Variants in PPP1R12B observed in about 807,000 individuals in gnomAD.
PPP1R12B encodes myosin phosphatase target subunit 2.
Under a neutral mutation model 126.1 loss-of-function variants are expected in PPP1R12B, and 76 were observed. That is an observed-to-expected ratio of 0.60 (90% CI 0.50 to 0.73). PPP1R12B has a LOEUF of 0.73. PPP1R12B is among the 30% of genes least tolerant of loss of function. PPP1R12B has a pLI of 0.00. For missense variants in PPP1R12B, 1,052 were observed against 1,205.1 expected (o/e 0.87, Z 1.88); for synonymous variants, 356 against 434.7 (o/e 0.82, Z 2.25).
At chr1:202,529,675 C>G (rs1011690170) in intron 18 of PPP1R12B, among the ~76,000 whole-genome samples, 1 of 152,170 alleles carries the variant, frequency 6.6e-6, no homozygotes, top group African/African-American at 2.4e-5. Context: ...AGAAACTGAT[C>G]GTTATCAAAC....
intron 13 of PPP1R12B, among the ~76,000 whole-genome samples, chr1:202,476,588 G>C (rs950027506): frequency 1.3e-5 from 2 of 151,586 alleles, no homozygotes; most frequent in African/African-American, 4.9e-5. Flanking sequence ...GAGGCTGAGG[G>C]AGGAGAACTG....
chr1:202,495,771 T>G (rs1386085618), intron 17 of PPP1R12B, 89 bp downstream of exon 17: 15 of 1,158,834 alleles, frequency 1.3e-5, no homozygotes, highest in Non-Finnish European at 1.8e-5. Flanking sequence ...TCCCGCATGG[T>G]GCCATGAATC....
At chr1:202,538,663 C>T (rs1292839412) in intron 18 of PPP1R12B, among the ~76,000 whole-genome samples, 2 of 152,196 alleles carry the variant, frequency 1.3e-5, no homozygotes, top group Admixed American at 1.3e-4. Context: ...TGGGGATAAA[C>T]CCGTTGGCTT....
chr1:202,571,312 G>T (rs894362973), intron 23 of PPP1R12B, among the ~76,000 whole-genome samples: 5 of 152,092 alleles, frequency 3.3e-5, no homozygotes, highest in South Asian at 2.1e-4. Flanking sequence ...TATAAGATAC[G>T]AAAGTGTTTG....
At chr1:202,560,445 G>A (rs1162894526) in intron 19 of PPP1R12B, among the ~76,000 whole-genome samples, 1 of 152,192 alleles carries the variant, frequency 6.6e-6, no homozygotes, top group Non-Finnish European at 1.5e-5. Context: ...TAAACAAGGG[G>A]TGGATTATTC....
chr1:202,472,684 C>T (rs929177695), intron 13 of PPP1R12B, among the ~76,000 whole-genome samples: 2 of 152,224 alleles, frequency 1.3e-5, no homozygotes, highest in Admixed American at 1.3e-4. Context: ...ACAGAAACAC[C>T]AGACTCACAC....
intron 1 of PPP1R12B, among the ~76,000 whole-genome samples, chr1:202,371,887 G>A (rs1214457083): frequency 3.6e-5 from 5 of 138,926 alleles, no homozygotes; most frequent in Non-Finnish European, 7.6e-5. Flanking sequence ...TTTTGGAGAC[G>A]GAGTATCGCT....
intron 2 of PPP1R12B, 121 bp from the exon 3 acceptor site, chr1:202,422,499 T>G (rs1480768642): frequency 1.2e-6 from 1 of 811,702 alleles, no homozygotes; most frequent in Non-Finnish European, 2.0e-6. Flanking sequence ...ATGGAATATC[T>G]TAACTGAGAC....
At chr1:202,407,816 A>G (rs904596812) in intron 1 of PPP1R12B, among the ~76,000 whole-genome samples, 1 of 152,048 alleles carries the variant, frequency 6.6e-6, no homozygotes, top group Non-Finnish European at 1.5e-5. Flanking sequence ...CCTTTAATTT[A>G]TTTGTACTAC....
Position 202,390,923 on chromosome 1 carries a change from G to A in PPP1R12B, c.292-25864G>A, listed in dbSNP as rs1271163319. 2.6e-5 allele frequency among the ~76,000 whole-genome samples: 4 copies of A among 152,100 alleles called. No individual in the cohort carries two copies. In the South Asian group the frequency reaches 6.2e-4, roughly 24 times the overall value. ...ACAAACAATTTGAAAAATTAGCCAG[G>A]CATAGTGGCACACACCTGTAGTCCC... On this transcript the variant is annotated intron_variant, in intron 1 of 23. Transcript: ENST00000608999.
chr1:202,504,325 G>A (rs1309522547), intron 18 of PPP1R12B, among the ~76,000 whole-genome samples: 1 of 152,056 alleles, frequency 6.6e-6, no homozygotes, highest in Non-Finnish European at 1.5e-5. Flanking sequence ...CCCGGGAGGC[G>A]GAGGTGGCAG....
chr1:202,535,742 C>T (rs1207547211), intron 18 of PPP1R12B, among the ~76,000 whole-genome samples: 1 of 152,188 alleles, frequency 6.6e-6, no homozygotes, highest in Non-Finnish European at 1.5e-5. Context: ...TTGCAAAGCT[C>T]ATCCTGTAGA....
chr1:202,349,732 A>G (rs890601522), intron 1 of PPP1R12B, among the ~76,000 whole-genome samples: 6 of 152,132 alleles, frequency 3.9e-5, no homozygotes, highest in Admixed American at 3.3e-4. Flanking sequence ...CTTCCTTCTC[A>G]GCAGTGCTAC....
In PPP1R12B at chr1:202,348,798, C is replaced by T; in HGVS notation, c.-54C>T. ...GAGAGGCGGCAGCGGCAACTCGAGC[C>T]CCAACAGTAATTTAGTGTTGGTAGT... On this transcript the variant is annotated 5_prime_UTR_variant, in exon 1 of 24. Coordinates refer to ENST00000608999, the MANE Select transcript of PPP1R12B (RefSeq NM_002481.4). 1.3e-6 allele frequency: 2 copies of T among 1,550,112 alleles called. No individual in the cohort carries two copies. The highest frequency in any genetic ancestry group is 1.2e-5 in the South Asian group (1 of 80,700).
intron 10 of PPP1R12B, 161 bp downstream of exon 10, chr1:202,438,185 C>T: frequency 1.9e-6 from 3 of 1,558,882 alleles, no homozygotes; most frequent in Non-Finnish European, 2.6e-6. Context: ...ATTCAAGTAG[C>T]TATTTGCTTG....
At chr1:202,571,892 A>T (rs1301923865) in intron 23 of PPP1R12B, among the ~76,000 whole-genome samples, 1 of 152,202 alleles carries the variant, frequency 6.6e-6, no homozygotes, top group African/African-American at 2.4e-5. Context: ...CTCAAATCAA[A>T]GCCCAATGCC....
chr1:202,509,207 C>CCG (rs35789627), intron 18 of PPP1R12B, among the ~76,000 whole-genome samples: 1 of 151,784 alleles, frequency 6.6e-6, no homozygotes, highest in Admixed American at 6.6e-5. Flanking sequence ...TGCCAATTCC[C>CCG]GATTCTTTGT....
intron 5 of PPP1R12B, 95 bp downstream of exon 5, chr1:202,427,279 G>C: frequency 6.5e-7 from 1 of 1,535,032 alleles, no homozygotes; most frequent in Non-Finnish European, 8.9e-7. Flanking sequence ...CAGTCTGACT[G>C]TTGTGAAATA....
rs563420459 is a variant in PPP1R12B, at chr1:202,362,158, C to T, written c.291+13016C>T. Among the ~76,000 whole-genome samples, 3 of 151,290 alleles carry T rather than the reference C, an allele frequency of 2.0e-5. No homozygotes were observed. In the East Asian group the frequency reaches 5.8e-4, roughly 29 times the overall value. On this transcript the variant is annotated intron_variant, in intron 1 of 23. Coordinates refer to ENST00000608999, the MANE Select transcript of PPP1R12B (RefSeq NM_002481.4). ...TTTTTTTTAAAGTTGGTTGGTCTAG[C>T]GATGAAATGTGACGTTAAAATGCCA...
Sources: gnomAD v4.1 joint callset for allele counts (sites outside exome capture counted in the v4.1 genomes callset) on GRCh38, gnomAD v4.1.1 for gene constraint, MANE v1.5 for transcripts, NCBI Gene and HGNC (gene_info 2026-07-23, HGNC 2026-07-21) for gene names.